LDLRAP1: variants seen among roughly 807,000 people sequenced by gnomAD.
The protein encoded by LDLRAP1 is low density lipoprotein receptor adaptor protein 1.
A neutral mutation model predicts 37.8 loss-of-function variants in LDLRAP1; 30 were observed. The ratio of observed to expected loss-of-function variants is 0.79; its 90% CI spans 0.59 to 1.08. LDLRAP1 has a LOEUF of 1.08. LDLRAP1 is among the 50% of genes least tolerant of loss of function. The pLI is 0.00. For missense variants in LDLRAP1, 375 were observed against 401.6 expected (o/e 0.93, Z 0.57); for synonymous variants, 156 against 169.8 (o/e 0.92, Z 0.63).
intron 1 of LDLRAP1, 40 bp from the exon 2 acceptor site, chr1:25,553,880 CCT>C: frequency 6.2e-7 from 1 of 1,608,896 alleles, no homozygotes; most frequent in Non-Finnish European, 8.5e-7. Context: ...GGTGGTGGGC[CCT>C]GAGCCGCAGG....
intron 1 of LDLRAP1, among the ~76,000 whole-genome samples, chr1:25,547,799 C>G (rs961098275): frequency 1.3e-5 from 2 of 152,208 alleles, no homozygotes; most frequent in Non-Finnish European, 2.9e-5. Flanking sequence ...CAGGGAAGGT[C>G]CCTCTGAGAA....
At chr1:25,565,239 C>T (rs1382703068) in intron 8 of LDLRAP1, 32 bp downstream of exon 8, 1 of 1,613,374 alleles carries the variant, frequency 6.2e-7, no homozygotes, top group African/African-American at 1.3e-5. Flanking sequence ...GGGTAGGGGG[C>T]CTGGTGTGCG....
intron 7 of LDLRAP1, chr1:25,564,019 A>T: frequency 1.7e-6 from 1 of 601,452 alleles, no homozygotes; most frequent in East Asian, 3.0e-5. Context: ...TCTCCTCACA[A>T]TGCTTGGCCT....
At chr1:25,577,023 C>T in the LDLRAP1 span, among the ~76,000 whole-genome samples, 2 of 152,144 alleles carry the variant, frequency 1.3e-5, no homozygotes, top group Admixed American at 1.3e-4. Context: ...CTCTCCATGG[C>T]GATGTTCCTG....
intron 4 of LDLRAP1, chr1:25,557,493 G>A (rs2044235184): frequency 1.7e-6 from 1 of 588,070 alleles, no homozygotes; most frequent in Non-Finnish European, 3.0e-6. Flanking sequence ...GCAGTAGCTG[G>A]CCCATGTCCC....
chr1:25,568,827 T>C lies in LDLRAP1; in HGVS notation c.*1835T>C, dbSNP rs1431978950. ...TCTGCAGACAAGTCTTGCTGTGCTT[T>C]ATTTGTGAAACTTTAATGAGGAAAA... On this transcript the variant is annotated 3_prime_UTR_variant, in exon 9 of 9. Transcript: ENST00000374338. 6.6e-6 allele frequency: 1 copy of C among 152,274 alleles called. No homozygotes were observed. The highest frequency in any genetic ancestry group is 2.1e-4 in the South Asian group (1 of 4,832). The allele number at this position is 152,274 out of a possible 1,614,324, so 9.4% of individuals were successfully genotyped here.
chr1:25,560,380 C>T (rs954168262), intron 4 of LDLRAP1, among the ~76,000 whole-genome samples: 2 of 152,114 alleles, frequency 1.3e-5, no homozygotes, highest in African/African-American at 4.8e-5. Context: ...CCCACCAGTC[C>T]GTTCAACTCT....
the LDLRAP1 span, among the ~76,000 whole-genome samples, chr1:25,587,757 C>T: frequency 1.8e-3 from 281 of 151,994 alleles, 1 homozygote; most frequent in Non-Finnish European, 3.2e-3. Flanking sequence ...TGGGAGTGGG[C>T]GTGGCGGGAG....
chr1:25,569,071 G>C (rs1289782946), downstream of LDLRAP1, among the ~76,000 whole-genome samples: 2 of 152,106 alleles, frequency 1.3e-5, no homozygotes, highest in Non-Finnish European at 2.9e-5. Context: ...CCCAGCAGCT[G>C]GGTGTGTGTG....
At chr1:25,552,100 G>A (rs917894320) in intron 1 of LDLRAP1, among the ~76,000 whole-genome samples, 1 of 152,114 alleles carries the variant, frequency 6.6e-6, no homozygotes, top group Non-Finnish European at 1.5e-5. Flanking sequence ...TTCTGGCTGT[G>A]GAGAGGGGGA....
In LDLRAP1 at chr1:25,566,859, C is replaced by T. The variant is rs746816028; in HGVS notation, c.794C>T (p.Ser265Phe). ...GCTCTGCCTTCCAGGCTTGCCCAGT[C>T]TCGGACAAACCCTCAGGTCCTGGAC... ...LDEAFSRLAQ[S>F]RTNPQVLDTG... is the part of the protein sequence containing the mutation. Residue 265 changes from serine to phenylalanine, a missense_variant, in exon 9 of 9, where the codon TCT (serine) becomes TTT (phenylalanine). Ser to Phe is a radical substitution (Grantham distance 155, BLOSUM62 -2). Transcript: ENST00000374338. 1 of 1,610,766 alleles carries T rather than the reference C, an allele frequency of 6.2e-7. No individual in the cohort carries two copies. The highest frequency in any genetic ancestry group is 1.7e-5 in the Admixed American group (1 of 59,718).
At chr1:25,562,793 C>T (rs575771766) in intron 5 of LDLRAP1, 77 bp downstream of exon 5, 39 of 1,289,252 alleles carry the variant, frequency 3.0e-5, no homozygotes, top group Admixed American at 8.7e-5. Context: ...AGACCTGGAC[C>T]GACTTCCTGC....
intron 1 of LDLRAP1, among the ~76,000 whole-genome samples, chr1:25,549,023 T>C (rs189324638): frequency 1.7e-4 from 26 of 152,350 alleles, no homozygotes; most frequent in African/African-American, 5.8e-4. Context: ...CCACAGCCCA[T>C]AGCATATTTT....
At chr1:25,562,094 A>G (rs1188058827) in intron 4 of LDLRAP1, among the ~76,000 whole-genome samples, 1 of 152,164 alleles carries the variant, frequency 6.6e-6, no homozygotes, top group Non-Finnish European at 1.5e-5. Context: ...TCCTATCAGG[A>G]AATTGACAAG....
At chr1:25,579,030 T>A in the LDLRAP1 span, among the ~76,000 whole-genome samples, 1 of 152,214 alleles carries the variant, frequency 6.6e-6, no homozygotes, top group African/African-American at 2.4e-5. Flanking sequence ...AGATCTGGGA[T>A]GAAGCTAACA....
At position 25,543,776 on chromosome 1, in the gene LDLRAP1, C is replaced by T. The variant is rs928922661; in HGVS notation, c.78C>T (p.Gly26=). The T allele has an allele frequency of 3.8e-5, 46 of 1,208,064 alleles. No individual in the cohort carries two copies. The African/African-American group carries it at 5.0e-4, about 13-fold the overall frequency. 74.8% of individuals were successfully genotyped at this position (1,208,064 alleles called of 1,614,324 possible). Reference sequence around the variant, plus strand: ...CCAAGCAGAGCTGGGGGGGCGGTGGCCGGCACCGCAGTGAGTGTGCGCGCG... The same window carrying T: ...CCAAGCAGAGCTGGGGGGGCGGTGGTCGGCACCGCAGTGAGTGTGCGCGCG... The part of the protein sequence containing the change: ...SLAKQSWGGG[G]RHRKLPENWT... The change falls in exon 1 of 9, where the codon GGC becomes GGT. Residue 26 remains glycine, a synonymous_variant. Coordinates refer to ENST00000374338, the MANE Select transcript of LDLRAP1 (RefSeq NM_015627.3).
chr1:25,567,416 A>C lies in LDLRAP1; in HGVS notation c.*424A>C. On this transcript the variant is annotated 3_prime_UTR_variant, in exon 9 of 9. Transcript: ENST00000374338. ...TTCCCTGGGGGCATCCTGCTTCCTGAAAGCTGTTGGATTTCAGTGATTTTT... is the reference window on the plus strand; with the variant it reads ...TTCCCTGGGGGCATCCTGCTTCCTGCAAGCTGTTGGATTTCAGTGATTTTT... 1 of 306,330 alleles carries C rather than the reference A, an allele frequency of 3.3e-6. No homozygotes were observed. Among genetic ancestry groups the C allele is most frequent in the Non-Finnish European group, 6.3e-6 (1 of 159,690 alleles). The allele number at this position is 306,330 out of a possible 1,614,324, so 19.0% of individuals were successfully genotyped here. A position where few individuals can be genotyped will look rare whatever the true frequency, so the allele number is the denominator to read the frequency against.
chr1:25,576,822 A>T, the LDLRAP1 span, among the ~76,000 whole-genome samples: 11 of 152,232 alleles, frequency 7.2e-5, no homozygotes, highest in Non-Finnish European at 1.3e-4. Flanking sequence ...TTGGGGTGGG[A>T]CTTGGCTAAG....
chr1:25,558,472 T>C (rs1262553093), intron 4 of LDLRAP1, among the ~76,000 whole-genome samples: 2 of 152,212 alleles, frequency 1.3e-5, no homozygotes, highest in Non-Finnish European at 2.9e-5. Flanking sequence ...AAAAATGTAT[T>C]CTGTGACAGA....
Sources: allele counts gnomAD v4.1 joint callset (sites outside exome capture counted in the v4.1 genomes callset), GRCh38; gene constraint gnomAD v4.1.1; transcripts MANE v1.5; gene names NCBI Gene and HGNC (gene_info 2026-07-23, HGNC 2026-07-21).